AP3B1: variants seen among roughly 807,000 people sequenced by gnomAD.
The protein encoded by AP3B1 is adaptor related protein complex 3 subunit beta 1, also known as AP-3 complex subunit beta-1.
Under a neutral mutation model 132.5 loss-of-function variants are expected in AP3B1, and 61 were observed. The observed-to-expected ratio is 0.46, with a 90% confidence interval of 0.37 to 0.57. AP3B1 has a LOEUF of 0.57. AP3B1 is among the 20% of genes least tolerant of loss of function. The pLI is 0.00. For missense variants in AP3B1, 1,120 were observed against 1,289.4 expected (o/e 0.87, Z 2.01); for synonymous variants, 388 against 438.3 (o/e 0.89, Z 1.43).
At chr5:78,069,153 T>A (rs1014900219) in intron 22 of AP3B1, among the ~76,000 whole-genome samples, 1 of 152,200 alleles carries the variant, frequency 6.6e-6, no homozygotes, top group Non-Finnish European at 1.5e-5. Context: ...CCAATTATCA[T>A]ACTGAATGGG....
At chr5:78,142,973 G>T (rs72776438) in intron 14 of AP3B1, among the ~76,000 whole-genome samples, 36,759 of 151,988 alleles carry the variant, frequency 0.24, 4,702 homozygotes, top group African/African-American at 0.32. Context: ...AATAGTAATT[G>T]AGTGGTACAT....
At chr5:78,241,028 G>T in intron 2 of AP3B1, 92 bp from the exon 3 acceptor site, 1 of 880,948 alleles carries the variant, frequency 1.1e-6, no homozygotes, top group Non-Finnish European at 1.9e-6. Flanking sequence ...GTAATTAACC[G>T]CTGAACTCTT....
intron 14 of AP3B1, among the ~76,000 whole-genome samples, chr5:78,145,012 T>C (rs1753325058): frequency 6.6e-6 from 1 of 152,188 alleles, no homozygotes; most frequent in East Asian, 1.9e-4. Context: ...GTATGCATTT[T>C]ATTCTAGAAG....
chr5:78,268,720 C>T (rs575050490), intron 1 of AP3B1, among the ~76,000 whole-genome samples: 1 of 152,222 alleles, frequency 6.6e-6, no homozygotes, highest in South Asian at 2.1e-4. Flanking sequence ...AAACTAAAAA[C>T]AAGAAAACAG....
intron 1 of AP3B1, among the ~76,000 whole-genome samples, chr5:78,275,016 A>T (rs1056037450): frequency 6.6e-6 from 1 of 152,178 alleles, no homozygotes; most frequent in Non-Finnish European, 1.5e-5. Flanking sequence ...CAGCCATACC[A>T]TCTCTGATGT....
intron 1 of AP3B1, among the ~76,000 whole-genome samples, chr5:78,278,363 G>GTTTAAAA (rs1487935362): frequency 4.3e-5 from 6 of 139,936 alleles, no homozygotes; most frequent in South Asian, 4.7e-4. Context: ...TCTTTGGGAG[G>GTTTAAAA]CCGAGGCGGG....
At chr5:78,242,493 G>A (rs1012996384) in intron 2 of AP3B1, among the ~76,000 whole-genome samples, 4 of 151,942 alleles carry the variant, frequency 2.6e-5, no homozygotes, top group African/African-American at 9.7e-5. Context: ...TGCAACCTCC[G>A]CCTCCCGGGT....
rs144562933 is a variant in AP3B1, at chr5:78,136,862, T to C, written c.1650+4281A>G. Among the ~76,000 whole-genome samples, 8 of 152,324 alleles carry C rather than the reference T, an allele frequency of 5.3e-5. No individual in the cohort carries two copies. In the East Asian group the frequency reaches 1.3e-3, roughly 26 times the overall value. ...CACAATGATTTTAGAAGCATACATGTTGCAATATAGCAAAATTGACTATAT... is the reference window on the plus strand; with the variant it reads ...CACAATGATTTTAGAAGCATACATGCTGCAATATAGCAAAATTGACTATAT... On this transcript the variant is annotated intron_variant, in intron 15 of 26. Coordinates refer to ENST00000255194, the MANE Select transcript of AP3B1 (RefSeq NM_003664.5).
chr5:78,161,749 T>G (rs953845541), intron 13 of AP3B1, among the ~76,000 whole-genome samples: 1 of 152,026 alleles, frequency 6.6e-6, no homozygotes, highest in African/African-American at 2.4e-5. Flanking sequence ...ATCTTGAGTT[T>G]ACAGGTACAA....
chr5:78,167,743 A>G (rs779718326), intron 11 of AP3B1, among the ~76,000 whole-genome samples: 6 of 152,196 alleles, frequency 3.9e-5, no homozygotes, highest in Non-Finnish European at 5.9e-5. Flanking sequence ...GGAGACTATT[A>G]TTCTAAGTGA....
In AP3B1 at chr5:78,019,594, T is replaced by C. The variant is rs998624647; in HGVS notation, c.2992+1098A>G. ...AAATCACAAAGATAATTTTCCTCTA[T>C]AGCAATAATCAACTTTCCAAGAAAT... On this transcript the variant is annotated intron_variant, in intron 25 of 26. Coordinates refer to ENST00000255194, the MANE Select transcript of AP3B1 (RefSeq NM_003664.5). Among the ~76,000 whole-genome samples the C allele has an allele frequency of 2.6e-5, 4 of 152,160 alleles. No homozygotes were observed. In the South Asian group the frequency reaches 6.2e-4, roughly 24 times the overall value.
At chr5:78,106,866 T>C (rs549309773) in intron 20 of AP3B1, among the ~76,000 whole-genome samples, 2 of 152,270 alleles carry the variant, frequency 1.3e-5, no homozygotes, top group East Asian at 3.9e-4. Context: ...CTTTTGATTG[T>C]ATTAGGTTTG....
At chr5:78,087,959 T>C (rs1242668505) in intron 22 of AP3B1, among the ~76,000 whole-genome samples, 1 of 152,302 alleles carries the variant, frequency 6.6e-6, no homozygotes, top group Admixed American at 6.5e-5. Context: ...TAGATAGTAT[T>C]CTCTTAGGAA....
At chr5:78,218,258 G>T (rs1301563413) in intron 6 of AP3B1, among the ~76,000 whole-genome samples, 1 of 152,062 alleles carries the variant, frequency 6.6e-6, no homozygotes, top group East Asian at 1.9e-4. Flanking sequence ...AAAATTAAAT[G>T]ATCTACTCAG....
chr5:78,202,233 C>A (rs927228127), intron 7 of AP3B1, among the ~76,000 whole-genome samples: 3 of 152,148 alleles, frequency 2.0e-5, no homozygotes, highest in African/African-American at 7.2e-5. Flanking sequence ...AACTGTAAGT[C>A]CAATAAACCT....
At chr5:78,173,452 G>A (rs1285694644) in intron 11 of AP3B1, among the ~76,000 whole-genome samples, 1 of 152,104 alleles carries the variant, frequency 6.6e-6, no homozygotes, top group African/African-American at 2.4e-5. Context: ...TGGATTGGGT[G>A]CATATATATT....
intron 1 of AP3B1, among the ~76,000 whole-genome samples, chr5:78,294,017 A>G (rs1749644214): frequency 1.3e-5 from 2 of 152,060 alleles, no homozygotes; most frequent in South Asian, 4.2e-4. Context: ...TCACAAAATA[A>G]CTTCCCACAA....
intron 17 of AP3B1, among the ~76,000 whole-genome samples, chr5:78,120,885 T>C (rs1296523227): frequency 1.3e-5 from 2 of 152,158 alleles, no homozygotes; most frequent in African/African-American, 4.8e-5. Context: ...ATCAACAGAA[T>C]ATACATTCTT....
intron 21 of AP3B1, among the ~76,000 whole-genome samples, chr5:78,094,002 A>G (rs1474571990): frequency 2.6e-5 from 4 of 152,238 alleles, no homozygotes; most frequent in Non-Finnish European, 5.9e-5. Flanking sequence ...CAACAATGTG[A>G]TATCACATAT....
Sources: allele counts gnomAD v4.1 joint callset (sites outside exome capture counted in the v4.1 genomes callset), GRCh38; gene constraint gnomAD v4.1.1; transcripts MANE v1.5; gene names NCBI Gene and HGNC (gene_info 2026-07-23, HGNC 2026-07-21).